TRIM9: variants seen among roughly 807,000 people sequenced by gnomAD.
TRIM9 encodes the protein E3 ubiquitin-protein ligase TRIM9.
In TRIM9, 26 loss-of-function variants were observed where a neutral mutation model predicts 78.3. That is an observed-to-expected ratio of 0.33 (90% CI 0.24 to 0.46). TRIM9 has a LOEUF of 0.46. TRIM9 is among the 20% of genes least tolerant of loss of function. The pLI is 1.00. For synonymous variants in TRIM9, 398 were observed against 416.5 expected (o/e 0.96, Z 0.54); for missense variants, 787 against 1,036.4 (o/e 0.76, Z 3.30).
rs747640277 is a variant in TRIM9 at position 51,013,508 on chromosome 14, G to T, written c.1042-3014C>A. 1.3e-5 allele frequency among the ~76,000 whole-genome samples: 2 copies of T among 151,968 alleles called. 1 individual carries two copies. The highest frequency in any genetic ancestry group is 3.9e-4 in the East Asian group (2 of 5,178). ...TTTTTCAAGATTGTTTATTTACATCGCCCAATTTTCTGATAGATGATTTGT... is the reference window on the plus strand; with the variant it reads ...TTTTTCAAGATTGTTTATTTACATCTCCCAATTTTCTGATAGATGATTTGT... On this transcript the variant is annotated intron_variant, in intron 3 of 12. Coordinates refer to ENST00000684578, the MANE Select transcript of TRIM9 (RefSeq NM_001387360.1).
In TRIM9 at chr14:51,015,505, C is replaced by CTTTTTTTTT. The variant is rs369652663; in HGVS notation, c.1042-5020_1042-5012dup. Reference sequence around the variant, plus strand: ...AATGCTTTTTTCTTTCTTTACTTTTCTTTTTTTTTTTTTTTTTTTTTTTTT... The same window carrying CTTTTTTTTT: ...AATGCTTTTTTCTTTCTTTACTTTTCTTTTTTTTTTTTTTTTTTTTTTTTTTTTTTTTTT... On this transcript the variant is annotated intron_variant, in intron 3 of 12. Transcript: ENST00000684578. 2.3e-3 allele frequency among the ~76,000 whole-genome samples: 139 copies of CTTTTTTTTT among 61,330 alleles called. 9 individuals are homozygous for CTTTTTTTTT. The highest frequency in any genetic ancestry group is 0.016 in the Middle Eastern group (1 of 62). 40.2% of individuals were successfully genotyped at this position (61,330 alleles called of 152,430 possible).
rs1339145843 is a variant in TRIM9, at chr14:51,095,098, A to G, written c.-159T>C. Reference sequence around the variant, plus strand: ...TGGCACGGACACCCAGAGAGGCGCTAGCTCTGTGAGCCGCAGCCGCGTAGC... The same window carrying G: ...TGGCACGGACACCCAGAGAGGCGCTGGCTCTGTGAGCCGCAGCCGCGTAGC... On this transcript the variant is annotated 5_prime_UTR_variant, in exon 1 of 13. Coordinates refer to ENST00000684578, the MANE Select transcript of TRIM9 (RefSeq NM_001387360.1). 2.0e-6 allele frequency: 1 copy of G among 489,394 alleles called. No homozygotes were observed. The highest frequency in any genetic ancestry group is 3.3e-6 in the Non-Finnish European group (1 of 305,000). The allele number at this position is 489,394 out of a possible 1,614,324, so 30.3% of individuals were successfully genotyped here. A position where few individuals can be genotyped will look rare whatever the true frequency, so the allele number is the denominator to read the frequency against.
chr14:50,988,297 A>C (rs2052993423), intron 7 of TRIM9: 1 of 152,232 alleles, frequency 6.6e-6, no homozygotes, highest in Admixed American at 6.5e-5. Flanking sequence ...TACTGAACAC[A>C]GACCTTGGGG....
chr14:51,057,458 T>C (rs2060981964), intron 1 of TRIM9, among the ~76,000 whole-genome samples: 2 of 152,224 alleles, frequency 1.3e-5, no homozygotes, highest in African/African-American at 4.8e-5. Context: ...GAAGTCACCA[T>C]AATTAGTATT....
At position 51,093,213 on chromosome 14, in the gene TRIM9, T is replaced by C. The variant is rs149454506; in HGVS notation, c.822+905A>G. ...CGACAGAATATGTTGCTAAAGCCTC[T>C]TCGTGTCTAGCCATGGTGGAAATAT... is the stretch of plus-strand genomic sequence containing the variant. On this transcript the variant is annotated intron_variant, in intron 1 of 12. Coordinates refer to ENST00000684578, the MANE Select transcript of TRIM9 (RefSeq NM_001387360.1). Among the ~76,000 whole-genome samples, 478 of 152,286 alleles carry C rather than the reference T, an allele frequency of 3.1e-3. 2 individuals carry two copies. The highest frequency in any genetic ancestry group is 0.011 in the African/African-American group (458 of 41,566).
At chr14:51,025,156 T>C (rs1194215086) in intron 2 of TRIM9, 109 bp downstream of exon 2, 6 of 979,998 alleles carry the variant, frequency 6.1e-6, no homozygotes, top group African/African-American at 1.6e-5. Context: ...AACCACAAAA[T>C]AGGAATTTTC....
rs1555337368 is a variant in TRIM9, at chr14:51,010,135, A to AAAAAAAG, written c.1152+248_1152+249insCTTTTTT. 5.3e-5 allele frequency among the ~76,000 whole-genome samples: 8 copies of AAAAAAAG among 151,588 alleles called. No individual in the cohort carries two copies. In the East Asian group the frequency reaches 9.7e-4, roughly 18 times the overall value. On this transcript the variant is annotated intron_variant, in intron 4 of 12. Coordinates refer to ENST00000684578, the MANE Select transcript of TRIM9 (RefSeq NM_001387360.1). ...ACAAAAGAAGAAAAAGAAGCGAAAA[A>AAAAAAAG]AAAAAGAAAAAGAAAAAGAAAAAAG...
At chr14:51,073,958 T>C (rs759557362) in intron 1 of TRIM9, among the ~76,000 whole-genome samples, 6 of 152,082 alleles carry the variant, frequency 3.9e-5, no homozygotes, top group Non-Finnish European at 5.9e-5. Context: ...CTTCCAAACA[T>C]CAAGGTCAGC....
chr14:50,986,188 T>C, intron 7 of TRIM9, 44 bp from the exon 8 acceptor site: 1 of 1,430,418 alleles, frequency 7.0e-7, no homozygotes, highest in Middle Eastern at 2.0e-4. Context: ...AAGTCTGCTA[T>C]TATGTCCCCG....
At chr14:50,998,578 T>G (rs576248653) in intron 6 of TRIM9, among the ~76,000 whole-genome samples, 4 of 152,220 alleles carry the variant, frequency 2.6e-5, no homozygotes, top group Admixed American at 6.5e-5. Context: ...TAGCCCCTAC[T>G]GAGCTCCTTA....
At chr14:51,032,545 C>G (rs1467988751) in intron 1 of TRIM9, among the ~76,000 whole-genome samples, 1 of 152,222 alleles carries the variant, frequency 6.6e-6, no homozygotes, top group East Asian at 1.9e-4. Flanking sequence ...AGAACCATCC[C>G]AGATCTAGAA....
chr14:51,047,092 C>T (rs893812133), intron 1 of TRIM9, among the ~76,000 whole-genome samples: 1 of 152,104 alleles, frequency 6.6e-6, no homozygotes, highest in African/African-American at 2.4e-5. Context: ...TTTCTCAAGT[C>T]CTGTGACGGT....
intron 1 of TRIM9, among the ~76,000 whole-genome samples, chr14:51,049,730 G>A (rs2060240933): frequency 6.6e-6 from 1 of 151,572 alleles, no homozygotes; most frequent in Non-Finnish European, 1.5e-5. Flanking sequence ...GGAGATTGAG[G>A]CAGAGAATTG....
Position 51,000,454 on chromosome 14 carries a change from C to T in TRIM9, c.1464+229G>A, listed in dbSNP as rs550884494. Among the ~76,000 whole-genome samples the T allele has an allele frequency of 9.8e-5, 15 of 152,300 alleles. No homozygotes were observed. The East Asian group carries it at 2.9e-3, about 29-fold the overall frequency. ...CAACTTGAATGCAGGCAGTCTGACT[C>T]CAGTACTGCATGTCCTGTCTCATAA... On this transcript the variant is annotated intron_variant, in intron 6 of 12. Coordinates refer to ENST00000684578, the MANE Select transcript of TRIM9 (RefSeq NM_001387360.1).
At position 51,094,272 on chromosome 14, in the gene TRIM9, G is replaced by C. The variant is rs2064728791; in HGVS notation, c.668C>G (p.Pro223Arg). Residue 223 changes from proline to arginine, a missense_variant, in exon 1 of 13, where the codon CCA (proline) becomes CGA (arginine). Physicochemically the swap from Pro to Arg is moderately radical, Grantham distance 103 (BLOSUM62 -2). Transcript: ENST00000684578. The stretch of plus-strand genomic sequence containing the variant: ...GTCTGTGCAGGTGGAGACCTTGCGT[G>C]GGCTCAGCCTCCGGCTCACACGACC... ...AQGRVSRRLS[P>R]RKVSTCTDHE... 1 of 1,614,108 alleles carries C rather than the reference G, an allele frequency of 6.2e-7. No homozygotes were observed. Among genetic ancestry groups the C allele is most frequent in the East Asian group, 2.2e-5 (1 of 44,868 alleles).
At chr14:51,063,628 A>G (rs1255462699) in intron 1 of TRIM9, among the ~76,000 whole-genome samples, 1 of 152,148 alleles carries the variant, frequency 6.6e-6, no homozygotes, top group Non-Finnish European at 1.5e-5. Context: ...GAGTGACACT[A>G]TAAGTAACAG....
rs879813913 is a variant in TRIM9 at position 51,059,364 on chromosome 14, C to T, written c.823-34004G>A. On this transcript the variant is annotated intron_variant, in intron 1 of 12. Transcript: ENST00000684578. ...TTAATAACAGGAAATGCAGGCCATC[C>T]CTTAAAATATACAGATGATAGGGTA... is the stretch of plus-strand genomic sequence containing the variant. 5.4e-4 allele frequency among the ~76,000 whole-genome samples: 82 copies of T among 152,212 alleles called. 1 individual carries two copies. The highest frequency in any genetic ancestry group is 3.7e-4 in the Non-Finnish European group (25 of 68,024).
intron 3 of TRIM9, among the ~76,000 whole-genome samples, chr14:51,016,047 C>T (rs538727613): frequency 6.6e-6 from 1 of 152,266 alleles, no homozygotes; most frequent in Non-Finnish European, 1.5e-5. Context: ...GGGATTGATT[C>T]CACGATTCCC....
At chr14:51,037,888 A>G (rs1242994925) in intron 1 of TRIM9, among the ~76,000 whole-genome samples, 1 of 152,142 alleles carries the variant, frequency 6.6e-6, no homozygotes, top group Non-Finnish European at 1.5e-5. Flanking sequence ...ACCATTAAGC[A>G]GCATTAGTAC....
Sources: allele counts gnomAD v4.1 joint callset (sites outside exome capture counted in the v4.1 genomes callset), GRCh38; gene constraint gnomAD v4.1.1; transcripts MANE v1.5; gene names NCBI Gene and HGNC (gene_info 2026-07-23, HGNC 2026-07-21).